TUNAR: variants seen among roughly 807,000 people sequenced by gnomAD.
TUNAR encodes the protein protein TUNAR.
intron 2 of TUNAR, among the ~76,000 whole-genome samples, chr14:95,897,288 C>T (rs1011221546): frequency 5.9e-5 from 9 of 152,322 alleles, no homozygotes; most frequent in African/African-American, 1.9e-4. Flanking sequence ...AATCCACTGC[C>T]GTACTAGTGG....
At chr14:95,883,224 G>A (rs930571115) in intron 2 of TUNAR, among the ~76,000 whole-genome samples, 2 of 152,170 alleles carry the variant, frequency 1.3e-5, no homozygotes, top group African/African-American at 2.4e-5. Flanking sequence ...ACATTGCTTC[G>A]GTCTGAAAAT....
chr14:95,923,454 CTA>C (rs1465962110), exon 3 of TUNAR: 2 of 152,714 alleles, frequency 1.3e-5, no homozygotes, highest in Non-Finnish European at 2.9e-5. Flanking sequence ...AAGTGTCTAA[CTA>C]TTTGATACTG....
At chr14:95,892,886 G>A (rs1889205123) in intron 2 of TUNAR, among the ~76,000 whole-genome samples, 1 of 152,156 alleles carries the variant, frequency 6.6e-6, no homozygotes, top group Admixed American at 6.5e-5. Flanking sequence ...TTGAAGAATA[G>A]GGTTGAAGAC....
At chr14:95,922,079 G>T (rs72700948) in intron 2 of TUNAR, among the ~76,000 whole-genome samples, 1 of 152,102 alleles carries the variant, frequency 6.6e-6, no homozygotes, top group Non-Finnish European at 1.5e-5. Context: ...CAGAAGTGAG[G>T]CCTTCTCTAG....
At chr14:95,888,861 G>A (rs1257741515) in intron 2 of TUNAR, among the ~76,000 whole-genome samples, 1 of 152,188 alleles carries the variant, frequency 6.6e-6, no homozygotes, top group African/African-American at 2.4e-5. Context: ...AAGGATGCCA[G>A]TACGTTTGAA....
At chr14:95,918,239 C>A (rs535519593) in intron 2 of TUNAR, among the ~76,000 whole-genome samples, 2 of 152,316 alleles carry the variant, frequency 1.3e-5, no homozygotes, top group African/African-American at 4.8e-5. Context: ...TCCCCTCAAG[C>A]ATCTATCCAC....
At chr14:95,902,408 T>C (rs934817732) in intron 2 of TUNAR, among the ~76,000 whole-genome samples, 3 of 152,208 alleles carry the variant, frequency 2.0e-5, no homozygotes, top group African/African-American at 7.2e-5. Context: ...CCCACCCAGC[T>C]GTCTAGTCAT....
Position 95,895,166 on chromosome 14 carries a change from A to T in TUNAR, c.12+17989A>T, listed in dbSNP as rs1416520355. On this transcript the variant is annotated intron_variant, in intron 2 of 2. Transcript: ENST00000678517. The surrounding 1 kb of genome is among the most constrained non-coding windows in gnomAD (Gnocchi z 4.5). Reference sequence around the variant, plus strand: ...TCATACAAGGTGTCCCAGAGAGGGGACATCTGAGCTGCATCTTAAAGGAAG... The same window carrying T: ...TCATACAAGGTGTCCCAGAGAGGGGTCATCTGAGCTGCATCTTAAAGGAAG... Among the ~76,000 whole-genome samples the T allele has an allele frequency of 6.6e-6, 1 of 152,216 alleles. No homozygotes were observed. The highest frequency in any genetic ancestry group is 1.5e-5 in the Non-Finnish European group (1 of 68,046).
chr14:95,885,962 C>T (rs1178148814), intron 2 of TUNAR, among the ~76,000 whole-genome samples: 1 of 152,160 alleles, frequency 6.6e-6, no homozygotes, highest in Non-Finnish European at 1.5e-5. Flanking sequence ...GCTGCCCAGA[C>T]CCCAACTCCA....
chr14:95,887,972 A>G (rs1166530115), intron 2 of TUNAR, among the ~76,000 whole-genome samples: 1 of 152,194 alleles, frequency 6.6e-6, no homozygotes, highest in East Asian at 1.9e-4. Flanking sequence ...CAATCTCACC[A>G]TTGGAATGGC....
chr14:95,903,715 T>C (rs1889389338), intron 2 of TUNAR, among the ~76,000 whole-genome samples: 1 of 152,162 alleles, frequency 6.6e-6, no homozygotes, highest in South Asian at 2.1e-4. Flanking sequence ...TGGGGTTCTG[T>C]GGGTTGACTG....
At chr14:95,893,039 G>A (rs146388327) in intron 2 of TUNAR, among the ~76,000 whole-genome samples, 14 of 152,202 alleles carry the variant, frequency 9.2e-5, no homozygotes, top group African/African-American at 1.9e-4. Context: ...TTCTGAAGAC[G>A]CGTCAAGTTT....
At chr14:95,878,372 A>G (rs896606317) in intron 2 of TUNAR, among the ~76,000 whole-genome samples, 11 of 152,172 alleles carry the variant, frequency 7.2e-5, no homozygotes, top group Admixed American at 3.3e-4. Context: ...CCTGGAATCA[A>G]TTGATCCTGG....
chr14:95,909,516 C>T (rs893998183), intron 2 of TUNAR, among the ~76,000 whole-genome samples: 4 of 152,136 alleles, frequency 2.6e-5, no homozygotes, highest in African/African-American at 9.7e-5. Context: ...ATCTCCTGAC[C>T]TCGTGATCCA....
At chr14:95,921,076 A>C (rs1383721358) in intron 2 of TUNAR, among the ~76,000 whole-genome samples, 3 of 152,282 alleles carry the variant, frequency 2.0e-5, no homozygotes, top group East Asian at 3.9e-4. Context: ...GCTTGAAGGC[A>C]GGCAGGCAGG....
chr14:95,906,402 T>C (rs1400146983), intron 2 of TUNAR, among the ~76,000 whole-genome samples: 1 of 152,196 alleles, frequency 6.6e-6, no homozygotes, highest in Non-Finnish European at 1.5e-5. Context: ...TCATTTTAAC[T>C]TTTTCCCTTT....
chr14:95,893,890 G>A (rs374742194), intron 2 of TUNAR, among the ~76,000 whole-genome samples: 4 of 152,258 alleles, frequency 2.6e-5, no homozygotes, highest in East Asian at 1.9e-4. Context: ...GCACATGCCC[G>A]GTCTTTCTGG....
intron 2 of TUNAR, among the ~76,000 whole-genome samples, chr14:95,914,805 G>A (rs890744278): frequency 5.9e-5 from 9 of 152,198 alleles, no homozygotes; most frequent in African/African-American, 1.7e-4. Context: ...GAAGCTCAGA[G>A]AGATGAAGCA....
intron 2 of TUNAR, among the ~76,000 whole-genome samples, chr14:95,893,456 C>T (rs2139658378): frequency 6.6e-6 from 1 of 152,258 alleles, no homozygotes; most frequent in South Asian, 2.1e-4. Flanking sequence ...CGCCCTCACT[C>T]CTTATGGCTC....
Sources: gnomAD v4.1 joint callset for allele counts (sites outside exome capture counted in the v4.1 genomes callset) on GRCh38, gnomAD v4.1.1 for gene constraint, Gnocchi (gnomAD v3.1) non-coding constraint, MANE v1.5 for transcripts, NCBI Gene and HGNC (gene_info 2026-07-23, HGNC 2026-07-21) for gene names.